The following GRID1 variants were observed in gnomAD, a reference collection of about 807,000 sequenced individuals.
The protein encoded by GRID1 is glutamate ionotropic receptor delta type subunit 1.
Under a neutral mutation model 98.0 loss-of-function variants are expected in GRID1, and 28 were observed. That is an observed-to-expected ratio of 0.29 (90% confidence interval 0.21 to 0.39). GRID1 has a LOEUF of 0.39. GRID1 is among the 10% of genes least tolerant of loss of function. The probability of loss-of-function intolerance (pLI) is 1.00; values close to 1 mark genes in which losing one functional copy is unlikely to be tolerated. For missense variants in GRID1, 1,111 were observed against 1,340.5 expected (o/e 0.83, Z 2.67); for synonymous variants, 553 against 538.5 (o/e 1.03, Z -0.37).
At position 86,211,993 on chromosome 10, in the gene GRID1, C is replaced by T. The variant is rs543266315; in HGVS notation, c.236-5345G>A. Among the ~76,000 whole-genome samples the T allele has an allele frequency of 2.0e-5, 3 of 152,356 alleles. No individual in the cohort carries two copies. The East Asian group carries it at 5.8e-4, about 29-fold the overall frequency. On this transcript the variant is annotated intron_variant, in intron 2 of 15. Coordinates refer to ENST00000327946, the MANE Select transcript of GRID1 (RefSeq NM_017551.3). ...CCCTGAAAGCAGATCCTTGACTCATCAAGTCACTGGGTGCCTGCAGGTGGG... is the reference window on the plus strand; with the variant it reads ...CCCTGAAAGCAGATCCTTGACTCATTAAGTCACTGGGTGCCTGCAGGTGGG...
chr10:86,212,388 A>G (rs113525107), intron 2 of GRID1, among the ~76,000 whole-genome samples: 1 of 152,366 alleles, frequency 6.6e-6, no homozygotes, highest in Non-Finnish European at 1.5e-5. Context: ...AAAGAACAGC[A>G]GGACATTTCC....
intron 4 of GRID1, among the ~76,000 whole-genome samples, chr10:85,936,995 A>G (rs1841935635): frequency 6.6e-6 from 1 of 152,208 alleles, no homozygotes. Context: ...CCAAGCCCAG[A>G]CCGACCTGGA....
At chr10:85,909,582 C>A (rs772890634) in intron 5 of GRID1, among the ~76,000 whole-genome samples, 4 of 152,202 alleles carry the variant, frequency 2.6e-5, no homozygotes, top group Non-Finnish European at 5.9e-5. Flanking sequence ...AAGGAAAGAA[C>A]TATTGCTACA....
At chr10:85,844,954 A>G (rs80114386) in intron 8 of GRID1, among the ~76,000 whole-genome samples, 5,011 of 152,054 alleles carry the variant, frequency 0.033, 126 homozygotes, top group Non-Finnish European at 0.047. Context: ...TTAATCTGAA[A>G]AAAGAACATC....
At chr10:86,120,700 T>C (rs1376924885) in intron 4 of GRID1, among the ~76,000 whole-genome samples, 1 of 152,228 alleles carries the variant, frequency 6.6e-6, no homozygotes, top group Admixed American at 6.5e-5. Flanking sequence ...GATTTAATTA[T>C]AACAGAATAA....
intron 4 of GRID1, among the ~76,000 whole-genome samples, chr10:86,033,059 A>T (rs1484981055): frequency 6.6e-6 from 1 of 152,062 alleles, no homozygotes; most frequent in Non-Finnish European, 1.5e-5. Context: ...TAAGCTTTCC[A>T]AGATTCAAAC....
At position 86,139,162 on chromosome 10, in the gene GRID1, C is replaced by A. The variant is rs144470870; in HGVS notation, c.521-138G>T. ...GGGTCCAAGTCAGCCTCAGTGATTC[C>A]CGTAAACAGAGGTTGGAGGACGCCG... On this transcript the variant is annotated intron_variant, in intron 3 of 15. Coordinates refer to ENST00000327946, the MANE Select transcript of GRID1 (RefSeq NM_017551.3). 46 of 654,136 alleles carry A rather than the reference C, an allele frequency of 7.0e-5. No homozygotes were observed. The East Asian group carries it at 1.2e-3, about 17-fold the overall frequency. The allele number at this position is 654,136 out of a possible 1,614,324, so 40.5% of individuals were successfully genotyped here.
chr10:85,890,391 A>G (rs548999902), intron 5 of GRID1, among the ~76,000 whole-genome samples: 1 of 152,312 alleles, frequency 6.6e-6, no homozygotes, highest in African/African-American at 2.4e-5. Flanking sequence ...GCATGAAAAT[A>G]CCACATTGTA....
intron 2 of GRID1, among the ~76,000 whole-genome samples, chr10:86,208,145 G>T (rs1846060126): frequency 6.6e-6 from 1 of 152,164 alleles, no homozygotes; most frequent in Non-Finnish European, 1.5e-5. Flanking sequence ...GGGAAGGGGA[G>T]GGTCCCCCCA....
At chr10:85,955,526 C>T (rs1445855127) in intron 4 of GRID1, among the ~76,000 whole-genome samples, 1 of 152,176 alleles carries the variant, frequency 6.6e-6, no homozygotes, top group East Asian at 1.9e-4. Context: ...GACCTGAGAA[C>T]ATGAATTCAG....
At chr10:85,911,532 C>A (rs992955343) in intron 5 of GRID1, among the ~76,000 whole-genome samples, 8 of 152,176 alleles carry the variant, frequency 5.3e-5, no homozygotes, top group Non-Finnish European at 1.2e-4. Flanking sequence ...ACCCACAGAT[C>A]ACCTCTTAGA....
chr10:85,632,259 C>A (rs1190439229), intron 13 of GRID1, among the ~76,000 whole-genome samples: 1 of 152,146 alleles, frequency 6.6e-6, no homozygotes, highest in African/African-American at 2.4e-5. Context: ...AGAGGCTTCA[C>A]AGACAGCATC....
chr10:85,875,529 A>G (rs948989307), intron 5 of GRID1, among the ~76,000 whole-genome samples: 5 of 152,216 alleles, frequency 3.3e-5, no homozygotes, highest in Admixed American at 1.3e-4. Context: ...AACATTATTT[A>G]TATTATACAT....
At chr10:85,730,385 T>C (rs1281062212) in intron 8 of GRID1, among the ~76,000 whole-genome samples, 1 of 152,188 alleles carries the variant, frequency 6.6e-6, no homozygotes, top group African/African-American at 2.4e-5. Context: ...ACAAAACTTT[T>C]GTCTGGGAAA....
intron 3 of GRID1, among the ~76,000 whole-genome samples, chr10:86,185,716 C>T (rs190290704): frequency 4.0e-4 from 61 of 152,212 alleles, no homozygotes; most frequent in African/African-American, 1.3e-3. Flanking sequence ...CATAATCATA[C>T]GTGTTTTCTT....
chr10:85,932,909 G>A (rs1841875990), intron 4 of GRID1, among the ~76,000 whole-genome samples: 1 of 152,156 alleles, frequency 6.6e-6, no homozygotes, highest in Non-Finnish European at 1.5e-5. Flanking sequence ...ACCAAGCCTG[G>A]AAAACTAGCT....
At chr10:85,642,336 G>C (rs1410912846) in intron 13 of GRID1, among the ~76,000 whole-genome samples, 3 of 152,178 alleles carry the variant, frequency 2.0e-5, no homozygotes, top group Non-Finnish European at 4.4e-5. Flanking sequence ...ATGTGGCTGA[G>C]AGAAACGGAA....
chr10:85,643,828 T>C (rs1165242664), intron 13 of GRID1, among the ~76,000 whole-genome samples: 1 of 152,216 alleles, frequency 6.6e-6, no homozygotes, highest in Non-Finnish European at 1.5e-5. Context: ...TCTTATGTAC[T>C]AACAAAGATT....
chr10:85,952,016 T>C (rs1053245088), intron 4 of GRID1, among the ~76,000 whole-genome samples: 12 of 152,230 alleles, frequency 7.9e-5, no homozygotes, highest in Admixed American at 6.5e-4. Context: ...CAAATCTCCA[T>C]GTCAGGCCCT....
Sources: allele counts gnomAD v4.1 joint callset (sites outside exome capture counted in the v4.1 genomes callset), GRCh38; gene constraint gnomAD v4.1.1; transcripts MANE v1.5; gene names NCBI Gene and HGNC (gene_info 2026-07-23, HGNC 2026-07-21).